Variants in AGBL4 observed in about 807,000 individuals in gnomAD.
AGBL4 encodes cytosolic carboxypeptidase 6.
In AGBL4, 58 loss-of-function variants were observed where a neutral mutation model predicts 66.4. The observed-to-expected ratio is 0.87, with a 90% CI of 0.71 to 1.09. AGBL4 has a LOEUF of 1.09. Among genes scored for constraint, AGBL4 ranks in the 50% least tolerant of loss-of-function variants. AGBL4 has a pLI of 0.00. For synonymous variants in AGBL4, 234 were observed against 222.9 expected (o/e 1.05, Z -0.44); for missense variants, 579 against 631.0 (o/e 0.92, Z 0.88).
chr1:48,572,468 G>GA (rs1226049297), intron 11 of AGBL4, among the ~76,000 whole-genome samples: 1 of 152,002 alleles, frequency 6.6e-6, no homozygotes, highest in Admixed American at 6.6e-5. Flanking sequence ...GTTGGGTGGG[G>GA]GGAGAAGATA....
chr1:49,697,321 C>G lies in AGBL4; in HGVS notation c.274G>C (p.Glu92Gln). The G allele has an allele frequency of 1.9e-6, 3 of 1,546,388 alleles. No homozygotes were observed. Among genetic ancestry groups the G allele is most frequent in the East Asian group, 2.4e-5 (1 of 40,888 alleles). The change falls in exon 3 of 14, where the codon GAA (glutamate) becomes CAA (glutamine). Residue 92 changes from glutamate to glutamine, a missense_variant. Coordinates refer to ENST00000371839, the MANE Select transcript of AGBL4 (RefSeq NM_032785.4). Reference sequence around the variant, plus strand: ...TCCACTATTTCCCTCACCTGTGATTCTTTCACATTTTCAACAGTAAAGTTG... The same window carrying G: ...TCCACTATTTCCCTCACCTGTGATTGTTTCACATTTTCAACAGTAAAGTTG... ...WFNFTVENVK[E>Q]SQRVIFNIVN...
intron 3 of AGBL4, among the ~76,000 whole-genome samples, chr1:49,531,601 T>C (rs1467584785): frequency 1.3e-5 from 2 of 152,166 alleles, no homozygotes; most frequent in Non-Finnish European, 2.9e-5. Context: ...CATTATTTTA[T>C]AGATATCATA....
chr1:49,492,313 G>GA (rs2148745851), intron 3 of AGBL4, among the ~76,000 whole-genome samples: 1 of 152,034 alleles, frequency 6.6e-6, no homozygotes, highest in South Asian at 2.1e-4. Context: ...GAATATGCTG[G>GA]AAAAATGGGC....
intron 2 of AGBL4, among the ~76,000 whole-genome samples, chr1:49,704,591 G>C (rs1647166653): frequency 6.6e-6 from 1 of 152,010 alleles, no homozygotes; most frequent in African/African-American, 2.4e-5. Flanking sequence ...AATACATCTT[G>C]AGCTAATTTT....
intron 3 of AGBL4, among the ~76,000 whole-genome samples, chr1:49,285,444 G>C (rs1411520828): frequency 9.9e-5 from 15 of 151,846 alleles, no homozygotes; most frequent in South Asian, 4.2e-4. Context: ...GACACCCTAA[G>C]ATCACAATTA....
chr1:48,759,793 A>G (rs894627596), intron 6 of AGBL4, among the ~76,000 whole-genome samples: 2 of 152,224 alleles, frequency 1.3e-5, no homozygotes, highest in African/African-American at 4.8e-5. Flanking sequence ...TTCATCGACA[A>G]TGCTTTAGAT....
At chr1:49,947,722 G>A (rs1325480466) in intron 1 of AGBL4, among the ~76,000 whole-genome samples, 3 of 150,554 alleles carry the variant, frequency 2.0e-5, no homozygotes, top group African/African-American at 7.3e-5. Flanking sequence ...GAAATAAAGG[G>A]CATCCAAATC....
intron 3 of AGBL4, among the ~76,000 whole-genome samples, chr1:49,554,178 C>G (rs1653209016): frequency 6.6e-6 from 1 of 152,110 alleles, no homozygotes; most frequent in African/African-American, 2.4e-5. Context: ...CATATAGAAC[C>G]AGGATTTAAA....
At chr1:48,821,209 G>A (rs1271012515) in intron 6 of AGBL4, among the ~76,000 whole-genome samples, 2 of 152,114 alleles carry the variant, frequency 1.3e-5, no homozygotes, top group Admixed American at 1.3e-4. Flanking sequence ...ACTAAAAATA[G>A]AACTACCATT....
chr1:49,874,743 A>T lies in AGBL4; in HGVS notation c.35-23225T>A, dbSNP rs1191161294. ...ACATGTATTGAAACTCTGCTAGAAA[A>T]AATAAGAAAATGGTTCATGTACATC... On this transcript the variant is annotated intron_variant, in intron 1 of 13. Transcript: ENST00000371839. 2.0e-5 allele frequency among the ~76,000 whole-genome samples: 3 copies of T among 152,068 alleles called. No individual in the cohort carries two copies. In the East Asian group the frequency reaches 5.8e-4, roughly 29 times the overall value.
chr1:49,244,067 G>T (rs1651444162), intron 4 of AGBL4, among the ~76,000 whole-genome samples: 1 of 151,738 alleles, frequency 6.6e-6, no homozygotes, highest in Admixed American at 6.6e-5. Flanking sequence ...CATAGTTCAT[G>T]AGAAAAAAGA....
intron 8 of AGBL4, among the ~76,000 whole-genome samples, chr1:48,652,972 C>T (rs1033704779): frequency 6.6e-6 from 1 of 152,186 alleles, no homozygotes; most frequent in Non-Finnish European, 1.5e-5. Context: ...TCTTTTGAAG[C>T]TCTCACAACT....
intron 6 of AGBL4, among the ~76,000 whole-genome samples, chr1:48,801,644 G>A (rs1645810765): frequency 6.6e-6 from 1 of 152,162 alleles, no homozygotes; most frequent in Non-Finnish European, 1.5e-5. Context: ...GTTCCCCAGT[G>A]GGGATGTGTG....
At chr1:48,587,458 T>C (rs1368144813) in intron 10 of AGBL4, among the ~76,000 whole-genome samples, 1 of 151,698 alleles carries the variant, frequency 6.6e-6, no homozygotes, top group Admixed American at 6.6e-5. Context: ...TACATTTTGA[T>C]GATAATCAGA....
chr1:50,019,374 T>C (rs1374299155), intron 1 of AGBL4, among the ~76,000 whole-genome samples: 2 of 149,520 alleles, frequency 1.3e-5, no homozygotes, highest in Non-Finnish European at 3.0e-5. Context: ...ATCATTTCTC[T>C]GGGGGTGTAA....
chr1:49,379,848 G>A (rs1007546740), intron 3 of AGBL4, among the ~76,000 whole-genome samples: 1 of 151,712 alleles, frequency 6.6e-6, no homozygotes, highest in Admixed American at 6.6e-5. Flanking sequence ...CTCTTTTTTG[G>A]TTGTGTCTCT....
At chr1:48,659,083 A>G (rs1053114493) in intron 7 of AGBL4, among the ~76,000 whole-genome samples, 2 of 152,146 alleles carry the variant, frequency 1.3e-5, no homozygotes, top group African/African-American at 2.4e-5. Context: ...TCCCTGGACT[A>G]TTCTGAAAAG....
chr1:50,005,953 T>C (rs1429834319), intron 1 of AGBL4, among the ~76,000 whole-genome samples: 2 of 151,962 alleles, frequency 1.3e-5, no homozygotes, highest in African/African-American at 4.8e-5. Flanking sequence ...TGAAAACACA[T>C]AGTAAGAGGA....
At chr1:48,661,016 T>C (rs1646098395) in intron 7 of AGBL4, among the ~76,000 whole-genome samples, 1 of 152,138 alleles carries the variant, frequency 6.6e-6, no homozygotes, top group Non-Finnish European at 1.5e-5. Context: ...CATTTTTTCC[T>C]CACAACAGCC....
Sources: gnomAD v4.1 joint callset for allele counts (sites outside exome capture counted in the v4.1 genomes callset) on GRCh38, gnomAD v4.1.1 for gene constraint, MANE v1.5 for transcripts, NCBI Gene and HGNC (gene_info 2026-07-23, HGNC 2026-07-21) for gene names.